The following FAM177A1 variants were observed in gnomAD, a reference collection of about 807,000 sequenced individuals.
The protein encoded by FAM177A1 is family with sequence similarity 177 member A1, also known as protein FAM177A1.
In FAM177A1, 22 loss-of-function variants were observed where a neutral mutation model predicts 26.1. That is an observed-to-expected ratio of 0.84 (90% CI 0.60 to 1.20). FAM177A1 has a LOEUF of 1.20. Among genes scored for constraint, FAM177A1 ranks in the 50% most tolerant of loss-of-function variants. The pLI is 0.00. For missense variants in FAM177A1, 296 were observed against 291.1 expected (o/e 1.02, Z -0.12); for synonymous variants, 95 against 99.3 (o/e 0.96, Z 0.26).
chr14:35,074,476 C>A (rs1214791589), intron 2 of FAM177A1, among the ~76,000 whole-genome samples: 1 of 152,018 alleles, frequency 6.6e-6, no homozygotes, highest in Non-Finnish European at 1.5e-5. Context: ...CAGGTGCACG[C>A]CACCATGCCT....
rs1252304774 is a variant in FAM177A1 at position 35,076,172 on chromosome 14, G to A, written c.340-978G>A. Among the ~76,000 whole-genome samples, 6 of 152,234 alleles carry A rather than the reference G, an allele frequency of 3.9e-5. No individual in the cohort carries two copies. In the East Asian group the frequency reaches 9.6e-4, roughly 24 times the overall value. On this transcript the variant is annotated intron_variant, in intron 2 of 4. Transcript: ENST00000280987. ...GTTTATTGCGGCACTATTCACAATA[G>A]CAAAGACTTGGAACCAACCCAAATG... is the stretch of plus-strand genomic sequence containing the variant.
rs1467473382 is a variant in FAM177A1, at chr14:35,053,272, A to G, written c.166-6A>G. Reference sequence around the variant, plus strand: ...AACTCATTTTCTTAAAATATCGTTGATATAGATGAGTAACGAAAGAGGCTT... The same window carrying G: ...AACTCATTTTCTTAAAATATCGTTGGTATAGATGAGTAACGAAAGAGGCTT... On this transcript the variant is annotated splice_region_variant and splice_polypyrimidine_tract_variant and intron_variant, in intron 1 of 4. Coordinates refer to ENST00000280987, the MANE Select transcript of FAM177A1 (RefSeq NM_173607.5). The G allele has an allele frequency of 1.0e-5, 16 of 1,605,202 alleles. No individual in the cohort carries two copies. The highest frequency in any genetic ancestry group is 3.5e-5 in the Admixed American group (2 of 56,632).
intron 2 of FAM177A1, among the ~76,000 whole-genome samples, chr14:35,059,484 A>T (rs1031600451): frequency 1.5e-5 from 2 of 136,756 alleles, no homozygotes; most frequent in Non-Finnish European, 3.2e-5. Context: ...TTTCTTTTCT[A>T]CTGTTATCTT....
At position 35,081,672 on chromosome 14, in the gene FAM177A1, CATTA is replaced by C. The variant is rs926049662; in HGVS notation, c.*448_*451del. The C allele has an allele frequency of 6.5e-6, 1 of 152,910 alleles. No homozygotes were observed. Among genetic ancestry groups the C allele is most frequent in the Non-Finnish European group, 1.5e-5 (1 of 68,622 alleles). The allele number at this position is 152,910 out of a possible 1,614,324, so 9.5% of individuals were successfully genotyped here. A position where few individuals can be genotyped will look rare whatever the true frequency, so the allele number is the denominator to read the frequency against. On this transcript the variant is annotated 3_prime_UTR_variant, in exon 5 of 5. Coordinates refer to ENST00000280987, the MANE Select transcript of FAM177A1 (RefSeq NM_173607.5). The stretch of plus-strand genomic sequence containing the variant: ...TATGCCATGCATTTATATATCTAAC[CATTA>C]ATTTCACACTAAGGATGCTTCACCA...
intron 2 of FAM177A1, among the ~76,000 whole-genome samples, chr14:35,076,508 G>A (rs906640816): frequency 4.0e-5 from 6 of 151,872 alleles, no homozygotes; most frequent in African/African-American, 1.5e-4. Flanking sequence ...GAGTTAATGG[G>A]TGCAGCACAC....
At chr14:35,058,788 A>T (rs1566669124) in intron 2 of FAM177A1, among the ~76,000 whole-genome samples, 1 of 152,078 alleles carries the variant, frequency 6.6e-6, no homozygotes, top group Non-Finnish European at 1.5e-5. Flanking sequence ...AGTTGGGAGG[A>T]TCGCTGGAGC....
At chr14:35,055,334 A>G (rs925468379) in intron 2 of FAM177A1, among the ~76,000 whole-genome samples, 5 of 50,246 alleles carry the variant, frequency 1.0e-4, no homozygotes, top group Admixed American at 7.1e-4. Flanking sequence ...TATTCTACAC[A>G]GAAAATATTC....
chr14:35,046,803 C>T (rs2044874440), intron 1 of FAM177A1, 175 bp downstream of exon 1: 3 of 1,376,832 alleles, frequency 2.2e-6, no homozygotes, highest in Admixed American at 6.9e-5. Context: ...GGAAGGAGCG[C>T]CCCCCGCCTC....
intron 1 of FAM177A1, among the ~76,000 whole-genome samples, chr14:35,051,523 A>G (rs909701484): frequency 6.6e-6 from 1 of 152,070 alleles, no homozygotes; most frequent in Non-Finnish European, 1.5e-5. Flanking sequence ...AGTGATTCTC[A>G]TGCCTCAGCC....
chr14:35,067,354 C>T (rs1469201792), intron 2 of FAM177A1, among the ~76,000 whole-genome samples: 1 of 152,164 alleles, frequency 6.6e-6, no homozygotes, highest in Non-Finnish European at 1.5e-5. Context: ...GCACAAATGA[C>T]AGAATTCCCT....
intron 2 of FAM177A1, among the ~76,000 whole-genome samples, chr14:35,062,116 T>C (rs2045168592): frequency 6.6e-6 from 1 of 152,352 alleles, no homozygotes; most frequent in South Asian, 2.1e-4. Context: ...GGGAGGGTGC[T>C]GAGAGGGAGT....
At chr14:35,068,188 G>A (rs906571295) in intron 2 of FAM177A1, among the ~76,000 whole-genome samples, 1 of 152,086 alleles carries the variant, frequency 6.6e-6, no homozygotes, top group African/African-American at 2.4e-5. Context: ...AATCTCCATC[G>A]GTGGCAGTAA....
chr14:35,051,348 G>T lies in FAM177A1; in HGVS notation c.166-1930G>T, dbSNP rs529881628. 1.3e-3 allele frequency among the ~76,000 whole-genome samples: 200 copies of T among 151,950 alleles called. 1 individual carries two copies. Among genetic ancestry groups the T allele is most frequent in the African/African-American group, 3.6e-3 (149 of 41,434 alleles). ...TTGGCCGGGCTGGTCTCCAACTCCT[G>T]ACATCAGGTTATCTTGCCTTGGCCC... On this transcript the variant is annotated intron_variant, in intron 1 of 4. Transcript: ENST00000280987.
intron 2 of FAM177A1, among the ~76,000 whole-genome samples, chr14:35,066,338 G>A (rs1357770019): frequency 6.6e-6 from 1 of 151,674 alleles, no homozygotes; most frequent in Non-Finnish European, 1.5e-5. Flanking sequence ...AAAGTGCTGG[G>A]ATTACAAGCA....
intron 2 of FAM177A1, among the ~76,000 whole-genome samples, chr14:35,073,219 G>A (rs956916016): frequency 3.9e-5 from 6 of 152,076 alleles, no homozygotes; most frequent in South Asian, 2.1e-4. Flanking sequence ...ACAGGTGCAC[G>A]CTGCCATGCC....
In FAM177A1 at chr14:35,071,063, C is replaced by G. The variant is rs1253397345; in HGVS notation, c.340-6087C>G. Among the ~76,000 whole-genome samples, 4 of 151,260 alleles carry G rather than the reference C, an allele frequency of 2.6e-5. No homozygotes were observed. In the East Asian group the frequency reaches 7.8e-4, roughly 29 times the overall value. On this transcript the variant is annotated intron_variant, in intron 2 of 4. Coordinates refer to ENST00000280987, the MANE Select transcript of FAM177A1 (RefSeq NM_173607.5). The stretch of plus-strand genomic sequence containing the variant: ...CCATGCTGGAGTGCAGTGGTGCGAT[C>G]TCAGCTCACTGCAAGCTCCGCCTCC...
chr14:35,075,479 C>G (rs1385705944), intron 2 of FAM177A1, among the ~76,000 whole-genome samples: 3 of 152,022 alleles, frequency 2.0e-5, no homozygotes, highest in African/African-American at 7.2e-5. Context: ...AATGTTAGAC[C>G]TAAAACCATA....
intron 2 of FAM177A1, among the ~76,000 whole-genome samples, chr14:35,067,821 G>T (rs541851056): frequency 1.3e-5 from 2 of 152,196 alleles, no homozygotes; most frequent in East Asian, 3.9e-4. Context: ...CTATTCATAT[G>T]CCTTCTCTTG....
chr14:35,066,998 G>A (rs1022990584), intron 2 of FAM177A1, among the ~76,000 whole-genome samples: 4 of 152,086 alleles, frequency 2.6e-5, no homozygotes, highest in African/African-American at 9.7e-5. Context: ...CTCCATGTTG[G>A]TCAGGCTAGT....
Sources: allele counts gnomAD v4.1 joint callset (sites outside exome capture counted in the v4.1 genomes callset), GRCh38; gene constraint gnomAD v4.1.1; transcripts MANE v1.5; gene names NCBI Gene and HGNC (gene_info 2026-07-23, HGNC 2026-07-21).